The following FAM81A variants were observed in gnomAD, a reference collection of about 807,000 sequenced individuals.
FAM81A encodes the protein protein FAM81A.
A neutral mutation model predicts 46.7 loss-of-function variants in FAM81A; 19 were observed. The ratio of observed to expected loss-of-function variants is 0.41; its 90% confidence interval spans 0.28 to 0.60. FAM81A has a LOEUF of 0.60. FAM81A is among the 20% of genes least tolerant of loss of function. The pLI, the probability that FAM81A is intolerant of heterozygous loss-of-function variation, is 0.34. For synonymous variants in FAM81A, 183 were observed against 152.9 expected, an observed-to-expected ratio of 1.20 and a Z score of -1.45; for missense variants, 377 against 453.5, an observed-to-expected ratio of 0.83 and a Z score of 1.53.
At chr15:59,449,643 G>A (rs560600510) in intron 1 of FAM81A, among the ~76,000 whole-genome samples, 4 of 151,980 alleles carry the variant, frequency 2.6e-5, no homozygotes, top group African/African-American at 7.2e-5. Context: ...TTAGCCGGGC[G>A]TGGTGGCGGG....
At chr15:59,422,699 A>G (rs1375105792) in intron 2 of FAM81A, among the ~76,000 whole-genome samples, 3 of 152,114 alleles carry the variant, frequency 2.0e-5, no homozygotes, top group East Asian at 1.9e-4. Flanking sequence ...GATGGTCTCA[A>G]TCTCCTGACC....
rs150681567 is a variant in FAM81A, at chr15:59,489,736, C to T, written c.295-2535C>T. On this transcript the variant is annotated intron_variant, in intron 3 of 8. Transcript: ENST00000288228. ...TAGACCAATGGAGCAGAATAGAGAA[C>T]CCAGAAACAAATCCATACATCTACA... Among the ~76,000 whole-genome samples the T allele has an allele frequency of 2.6e-5, 4 of 152,190 alleles. No individual in the cohort carries two copies. The East Asian group carries it at 7.7e-4, about 29-fold the overall frequency.
intron 4 of FAM81A, among the ~76,000 whole-genome samples, chr15:59,499,610 AT>A (rs1465668060): frequency 2.0e-5 from 3 of 151,920 alleles, no homozygotes; most frequent in Non-Finnish European, 4.4e-5. Context: ...GAATTCTCTC[AT>A]TTTTTGTTTT....
At chr15:59,399,561 G>A in intron 1 of FAM81A, among the ~76,000 whole-genome samples, 1 of 152,126 alleles carries the variant, frequency 6.6e-6, no homozygotes, top group Non-Finnish European at 1.5e-5. Context: ...CCATGCAGAT[G>A]AAAGGGATGT....
chr15:59,493,713 G>A (rs998118458), intron 4 of FAM81A, among the ~76,000 whole-genome samples: 1 of 151,986 alleles, frequency 6.6e-6, no homozygotes, highest in South Asian at 2.1e-4. Context: ...TCAGCCTCCC[G>A]AGTAGCTGAG....
intron 3 of FAM81A, among the ~76,000 whole-genome samples, chr15:59,467,712 C>G (rs2081631638): frequency 6.6e-6 from 1 of 152,138 alleles, no homozygotes; most frequent in South Asian, 2.1e-4. Flanking sequence ...ATTTCTTTTG[C>G]CTGATTGCCC....
chr15:59,403,444 G>A (rs191868751), intron 2 of FAM81A, among the ~76,000 whole-genome samples: 1 of 152,348 alleles, frequency 6.6e-6, no homozygotes, highest in East Asian at 1.9e-4. Flanking sequence ...GAAGGTGGCT[G>A]TCTGCAAGCA....
chr15:59,413,301 G>A (rs1325468427), intron 2 of FAM81A, among the ~76,000 whole-genome samples: 1 of 152,064 alleles, frequency 6.6e-6, no homozygotes, highest in African/African-American at 2.4e-5. Flanking sequence ...GTGTGTGGTA[G>A]CCCAGAGTGT....
chr15:59,489,368 C>T (rs1481175878), intron 3 of FAM81A, among the ~76,000 whole-genome samples: 2 of 151,836 alleles, frequency 1.3e-5, no homozygotes, highest in Non-Finnish European at 2.9e-5. Flanking sequence ...AAGATCTCTA[C>T]AATGAAAACT....
At chr15:59,424,027 C>T (rs1190562977) in intron 2 of FAM81A, among the ~76,000 whole-genome samples, 2 of 152,180 alleles carry the variant, frequency 1.3e-5, no homozygotes, top group Admixed American at 6.5e-5. Flanking sequence ...TCACTACATT[C>T]TCATTCACCT....
At chr15:59,459,409 C>A (rs2081522975) in intron 2 of FAM81A, among the ~76,000 whole-genome samples, 1 of 152,166 alleles carries the variant, frequency 6.6e-6, no homozygotes, top group Non-Finnish European at 1.5e-5. Flanking sequence ...GAAAAAGGGA[C>A]CTGAAATCCC....
intron 2 of FAM81A, among the ~76,000 whole-genome samples, chr15:59,423,094 T>A (rs1312866527): frequency 6.6e-6 from 1 of 152,178 alleles, no homozygotes; most frequent in Non-Finnish European, 1.5e-5. Flanking sequence ...TATTATTTTT[T>A]ATTTTTTAAT....
At position 59,460,442 on chromosome 15, in the gene FAM81A, T is replaced by G; in HGVS notation, c.294+236T>G. ...GTGTTATGTTTAATCTAAATTTACC[T>G]TGCTGATTATTAAATGATTTTATTT... On this transcript the variant is annotated intron_variant, in intron 3 of 8. Coordinates refer to ENST00000288228, the MANE Select transcript of FAM81A (RefSeq NM_152450.3). The surrounding 1 kb of genome is among the most constrained non-coding windows in gnomAD (Gnocchi z 4.4). 1.7e-6 allele frequency: 1 copy of G among 605,980 alleles called. No homozygotes were observed. Among genetic ancestry groups the G allele is most frequent in the Non-Finnish European group, 2.9e-6 (1 of 340,878 alleles). The allele number at this position is 605,980 out of a possible 1,614,324, so 37.5% of individuals were successfully genotyped here. A position where few individuals can be genotyped will look rare whatever the true frequency, so the allele number is the denominator to read the frequency against.
At chr15:59,490,649 C>T (rs756150612) in intron 3 of FAM81A, among the ~76,000 whole-genome samples, 5 of 152,014 alleles carry the variant, frequency 3.3e-5, no homozygotes, top group Non-Finnish European at 5.9e-5. Flanking sequence ...CTGGTCAACA[C>T]GGTGAAACTC....
At chr15:59,506,622 A>G (rs898830702) in intron 4 of FAM81A, among the ~76,000 whole-genome samples, 15 of 152,300 alleles carry the variant, frequency 9.8e-5, no homozygotes, top group African/African-American at 3.1e-4. Flanking sequence ...TGACTCTCCT[A>G]TTAGGACTCG....
At chr15:59,502,215 G>T (rs1258553395) in intron 4 of FAM81A, among the ~76,000 whole-genome samples, 17 of 147,086 alleles carry the variant, frequency 1.2e-4, no homozygotes, top group Admixed American at 8.2e-4. Flanking sequence ...AAGTTTTAGG[G>T]TACATGTGCA....
At chr15:59,403,952 C>G (rs1208303069) in intron 2 of FAM81A, among the ~76,000 whole-genome samples, 2 of 148,810 alleles carry the variant, frequency 1.3e-5, no homozygotes, top group Non-Finnish European at 3.0e-5. Context: ...AGAGTGATCT[C>G]GGCTCACTGC....
chr15:59,510,362 C>G (rs1410954164), intron 6 of FAM81A, among the ~76,000 whole-genome samples: 2 of 136,832 alleles, frequency 1.5e-5, no homozygotes, highest in South Asian at 2.3e-4. Context: ...GAATAGGACT[C>G]TGTCTCAAAA....
intron 1 of FAM81A, among the ~76,000 whole-genome samples, chr15:59,449,698 C>T (rs575518771): frequency 0.011 from 1,539 of 134,762 alleles, 13 homozygotes; most frequent in Non-Finnish European, 0.018. Context: ...AGGAGAATGG[C>T]GTGAACCCGG....
Sources: gnomAD v4.1 joint callset for allele counts (sites outside exome capture counted in the v4.1 genomes callset) on GRCh38, gnomAD v4.1.1 for gene constraint, Gnocchi (gnomAD v3.1) non-coding constraint, MANE v1.5 for transcripts, NCBI Gene and HGNC (gene_info 2026-07-23, HGNC 2026-07-21) for gene names.